The following VAMP1 variants were observed in gnomAD, a reference collection of about 807,000 sequenced individuals.
VAMP1 encodes the protein vesicle associated membrane protein 1.
VAMP1 carries 16 observed loss-of-function variants against 19.1 expected under a neutral mutation model. That is an observed-to-expected ratio of 0.84 (90% CI 0.57 to 1.27). VAMP1 has a LOEUF of 1.27. VAMP1 is among the 50% of genes most tolerant of loss of function. The pLI is 0.00. For synonymous variants in VAMP1, 37 were observed against 50.2 expected, an observed-to-expected ratio of 0.74 and a Z score of 1.11; for missense variants, 109 against 145.4, an observed-to-expected ratio of 0.75 and a Z score of 1.29.
intron 2 of VAMP1, 23 bp from the exon 3 acceptor site, chr12:6,466,023 G>A (rs1453559464): frequency 6.2e-7 from 1 of 1,613,932 alleles, no homozygotes; most frequent in Non-Finnish European, 8.5e-7. Flanking sequence ...CAGAAACAAA[G>A]CAGCTAAGCT....
chr12:6,463,201 C>T lies in VAMP1; in HGVS notation c.*1269G>A. On this transcript the variant is annotated 3_prime_UTR_variant, in exon 5 of 5. Coordinates refer to ENST00000396308, the MANE Select transcript of VAMP1 (RefSeq NM_014231.5). The surrounding 1 kb of genome is among the most constrained non-coding windows in gnomAD (Gnocchi z 4.0). ...GAAAGGAGGCAAAGTAGAATTCAGACAGGAAAGGGTGGTTCAAAGGGGAAT... is the reference window on the plus strand; with the variant it reads ...GAAAGGAGGCAAAGTAGAATTCAGATAGGAAAGGGTGGTTCAAAGGGGAAT... 1 of 1,435,744 alleles carries T rather than the reference C, an allele frequency of 7.0e-7. No homozygotes were observed. Among genetic ancestry groups the T allele is most frequent in the Non-Finnish European group, 9.1e-7 (1 of 1,099,650 alleles). 88.9% of individuals were successfully genotyped at this position (1,435,744 alleles called of 1,614,324 possible). A position where few individuals can be genotyped will look rare whatever the true frequency, so the allele number is the denominator to read the frequency against.
At position 6,462,807 on chromosome 12, in the gene VAMP1, G is replaced by C. The variant is rs1484097188; in HGVS notation, c.*1663C>G. ...ACCTTCGAGGGGGGCCGTTGGGAGG[G>C]TACTGACTGCTTTCTTCCAGCTCTT... On this transcript the variant is annotated 3_prime_UTR_variant, in exon 5 of 5. Coordinates refer to ENST00000396308, the MANE Select transcript of VAMP1 (RefSeq NM_014231.5). 1 of 1,600,306 alleles carries C rather than the reference G, an allele frequency of 6.2e-7. No individual in the cohort carries two copies. Among genetic ancestry groups the C allele is most frequent in the Admixed American group, 1.7e-5 (1 of 58,402 alleles).
rs147563872 is a variant in VAMP1, at chr12:6,466,249, C to T, written c.105G>A (p.Gln35=). The T allele has an allele frequency of 2.0e-5, 32 of 1,614,064 alleles. No individual in the cohort carries two copies. Among genetic ancestry groups the T allele is most frequent in the Non-Finnish European group, 2.5e-5 (29 of 1,180,038 alleles). ...PPNMTSNRRL[Q]QTQAQVEEVV... ...CCTCCTCCACTTGTGCCTGGGTTTG[C>T]TGTAGTCGTCTGTTACTGGTCATGT... Residue 35 remains glutamine (Q), a synonymous_variant, in exon 2 of 5, where the codon CAG becomes CAA. Coordinates refer to ENST00000396308, the MANE Select transcript of VAMP1 (RefSeq NM_014231.5).
rs1463315183 is a variant in VAMP1, at chr12:6,462,939, A to G, written c.*1531T>C. 1 of 1,556,842 alleles carries G rather than the reference A, an allele frequency of 6.4e-7. No homozygotes were observed. Among genetic ancestry groups the G allele is most frequent in the South Asian group, 1.2e-5 (1 of 84,368 alleles). ...GCTGCTGCATGGAAAGTGGGCATCC[A>G]GACCCTGCCCAGCATGGCCTCAGCC... is the stretch of plus-strand genomic sequence containing the variant. On this transcript the variant is annotated 3_prime_UTR_variant, in exon 5 of 5. Coordinates refer to ENST00000396308, the MANE Select transcript of VAMP1 (RefSeq NM_014231.5).
In VAMP1 at chr12:6,463,636, T is replaced by G. The variant is rs2137001154; in HGVS notation, c.*834A>C. 9.3e-7 allele frequency: 1 copy of G among 1,079,674 alleles called. No individual in the cohort carries two copies. 66.9% of individuals were successfully genotyped at this position (1,079,674 alleles called of 1,614,324 possible). A position where few individuals can be genotyped will look rare whatever the true frequency, so the allele number is the denominator to read the frequency against. On this transcript the variant is annotated 3_prime_UTR_variant, in exon 5 of 5. Transcript: ENST00000396308. The surrounding 1 kb of genome is among the most constrained non-coding windows in gnomAD (Gnocchi z 4.0). ...CAATCTCTCTCTTTATGCCAACAAT[T>G]AACTGGGAGCTAGGTTAAATTATTT...
At chr12:6,464,716 AAG>A in intron 4 of VAMP1, 172 bp downstream of exon 4, 2 of 1,510,720 alleles carry the variant, frequency 1.3e-6, no homozygotes, top group Non-Finnish European at 1.8e-6. Flanking sequence ...TTGTCCATCA[AAG>A]AAATCCCTTG....
intron 1 of VAMP1, among the ~76,000 whole-genome samples, chr12:6,468,212 G>A (rs888088058): frequency 1.3e-5 from 2 of 152,238 alleles, no homozygotes; most frequent in Admixed American, 6.5e-5. Flanking sequence ...ATGCCAGTCC[G>A]TGAAGGGAGC....
intron 3 of VAMP1, 157 bp from the exon 4 acceptor site, chr12:6,465,098 C>T: frequency 9.6e-7 from 1 of 1,038,712 alleles, no homozygotes; most frequent in Non-Finnish European, 1.4e-6. Flanking sequence ...AGGCCCTACC[C>T]TTCTGCTTCC....
rs1161659479 is a variant in VAMP1 at position 6,465,775 on chromosome 12, G to C, written c.288+67C>G. 7 of 1,583,728 alleles carry C rather than the reference G, an allele frequency of 4.4e-6. 1 individual carries two copies. The African/African-American group carries it at 9.4e-5, about 21-fold the overall frequency. ...ATTAGAGGGAAGAAATGTAGAAGCT[G>C]AGGGTTTTCTTGCCTTCTACCAGTG... On this transcript the variant is annotated intron_variant, in intron 3 of 4. Transcript: ENST00000396308.
intron 1 of VAMP1, among the ~76,000 whole-genome samples, chr12:6,470,041 G>C (rs1945730542): frequency 6.6e-6 from 1 of 152,180 alleles, no homozygotes; most frequent in Non-Finnish European, 1.5e-5. Context: ...CCATGAGGGG[G>C]GCTAGACATC....
Position 6,462,533 on chromosome 12 carries a change from G to A in VAMP1, c.*1937C>T, listed in dbSNP as rs7390. 0.68 allele frequency: 343,186 copies of A among 501,582 alleles called. 118,524 individuals carry two copies. The highest frequency in any genetic ancestry group is 0.79 in the East Asian group (24,858 of 31,582). 31.1% of individuals were successfully genotyped at this position (501,582 alleles called of 1,614,324 possible). ...GTGGTGGGAGGAAAGGGGGATAGCA[G>A]AGACACACAGAAGAGGGTACAGGGT... On this transcript the variant is annotated 3_prime_UTR_variant, in exon 5 of 5. Coordinates refer to ENST00000396308, the MANE Select transcript of VAMP1 (RefSeq NM_014231.5).
chr12:6,463,726 T>C lies in VAMP1; in HGVS notation c.*744A>G. ...CCCTCATACAGAATGCTGTAGAAAA[T>C]GTAAAGAAGAGAAAGCTCCTTCCAG... is the stretch of plus-strand genomic sequence containing the variant. On this transcript the variant is annotated 3_prime_UTR_variant, in exon 5 of 5. Coordinates refer to ENST00000396308, the MANE Select transcript of VAMP1 (RefSeq NM_014231.5). The surrounding 1 kb of genome is among the most constrained non-coding windows in gnomAD (Gnocchi z 4.0). The C allele has an allele frequency of 2.6e-6, 3 of 1,151,514 alleles. No individual in the cohort carries two copies. In the South Asian group the frequency reaches 5.4e-5, roughly 21 times the overall value. 71.3% of individuals were successfully genotyped at this position (1,151,514 alleles called of 1,614,324 possible). A position where few individuals can be genotyped will look rare whatever the true frequency, so the allele number is the denominator to read the frequency against.
Position 6,463,320 on chromosome 12 carries a change from T to C in VAMP1, c.*1150A>G, listed in dbSNP as rs562381997. On this transcript the variant is annotated 3_prime_UTR_variant, in exon 5 of 5. Transcript: ENST00000396308. The surrounding 1 kb of genome is among the most constrained non-coding windows in gnomAD (Gnocchi z 4.0). ...CACACCTGACACAGGCTGGCACGCC[T>C]CCCCCCAAGGTGGGGCTGGTGGGTC... 1.2e-5 allele frequency: 14 copies of C among 1,181,878 alleles called. No individual in the cohort carries two copies. In the South Asian group the frequency reaches 3.1e-4, roughly 26 times the overall value. The allele number at this position is 1,181,878 out of a possible 1,614,324, so 73.2% of individuals were successfully genotyped here. A position where few individuals can be genotyped will look rare whatever the true frequency, so the allele number is the denominator to read the frequency against.
chr12:6,465,882 G>C lies in VAMP1; in HGVS notation c.248C>G (p.Ala83Gly), dbSNP rs1251550214. ...QAGASQFESS[A>G]AKLKRKYWWK... The stretch of plus-strand genomic sequence containing the variant: ...CCAATACTTCCTCTTTAGCTTGGCA[G>C]CACTGCTCTCAAATTGTGATGCTCC... Residue 83 changes from alanine to glycine, a missense_variant, in exon 3 of 5, where the codon GCT becomes GGT. Physicochemically the swap from Ala to Gly is moderately conservative, Grantham distance 60. Coordinates refer to ENST00000396308, the MANE Select transcript of VAMP1 (RefSeq NM_014231.5). 1.2e-6 allele frequency: 2 copies of C among 1,614,222 alleles called. No homozygotes were observed. Among genetic ancestry groups the C allele is most frequent in the Admixed American group, 1.7e-5 (1 of 60,034 alleles).
intron 1 of VAMP1, among the ~76,000 whole-genome samples, chr12:6,469,678 G>T (rs937505429): frequency 1.3e-5 from 2 of 152,132 alleles, no homozygotes; most frequent in African/African-American, 4.8e-5. Flanking sequence ...ACCAGGCCAG[G>T]GTAGTAATCA....
At position 6,463,488 on chromosome 12, in the gene VAMP1, C is replaced by T. The variant is rs1592144719; in HGVS notation, c.*982G>A. On this transcript the variant is annotated 3_prime_UTR_variant, in exon 5 of 5. Transcript: ENST00000396308. This position sits in a 1 kb window ranked among gnomAD's most constrained non-coding sequence, Gnocchi z 4.0. ...AGATCTCACACTGCTAACACCCTCA[C>T]GCTCCTTCATCAACAGGAAGAGAGG... 2.9e-6 allele frequency: 3 copies of T among 1,040,102 alleles called. No individual in the cohort carries two copies. The highest frequency in any genetic ancestry group is 3.5e-6 in the Non-Finnish European group (3 of 862,342). The allele number at this position is 1,040,102 out of a possible 1,614,324, so 64.4% of individuals were successfully genotyped here. A position where few individuals can be genotyped will look rare whatever the true frequency, so the allele number is the denominator to read the frequency against.
Position 6,463,504 on chromosome 12 carries a change from G to A in VAMP1, c.*966C>T. 5.8e-6 allele frequency: 6 copies of A among 1,039,354 alleles called. No individual in the cohort carries two copies. Among genetic ancestry groups the A allele is most frequent in the Non-Finnish European group, 7.0e-6 (6 of 861,842 alleles). The allele number at this position is 1,039,354 out of a possible 1,614,324, so 64.4% of individuals were successfully genotyped here. A position where few individuals can be genotyped will look rare whatever the true frequency, so the allele number is the denominator to read the frequency against. On this transcript the variant is annotated 3_prime_UTR_variant, in exon 5 of 5. Transcript: ENST00000396308. This position sits in a 1 kb window ranked among gnomAD's most constrained non-coding sequence, Gnocchi z 4.0. ...ACACCCTCACGCTCCTTCATCAACAGGAAGAGAGGAACAGGACCCTCTTTA... is the reference window on the plus strand; with the variant it reads ...ACACCCTCACGCTCCTTCATCAACAAGAAGAGAGGAACAGGACCCTCTTTA...
At chr12:6,470,079 C>T (rs1223550900) in intron 1 of VAMP1, among the ~76,000 whole-genome samples, 2 of 152,108 alleles carry the variant, frequency 1.3e-5, no homozygotes, top group African/African-American at 4.8e-5. Flanking sequence ...TAAACAAATC[C>T]AGAGATTGTA....
At chr12:6,469,368 T>C (rs1945710800) in intron 1 of VAMP1, among the ~76,000 whole-genome samples, 1 of 152,208 alleles carries the variant, frequency 6.6e-6, no homozygotes, top group Non-Finnish European at 1.5e-5. Context: ...GATTTTTCTG[T>C]TGCCTTCTGT....
Sources: gnomAD v4.1 joint callset for allele counts (sites outside exome capture counted in the v4.1 genomes callset) on GRCh38, gnomAD v4.1.1 for gene constraint, Gnocchi (gnomAD v3.1) non-coding constraint, MANE v1.5 for transcripts, NCBI Gene and HGNC (gene_info 2026-07-23, HGNC 2026-07-21) for gene names.